LAPTM4B: variants seen among roughly 807,000 people sequenced by gnomAD.
LAPTM4B encodes the protein lysosomal protein transmembrane 4 beta, also known as lysosomal-associated transmembrane protein 4B.
A neutral mutation model predicts 28.5 loss-of-function variants in LAPTM4B; 26 were observed. The ratio of observed to expected loss-of-function variants is 0.91; its 90% CI spans 0.67 to 1.27. LAPTM4B has a LOEUF of 1.27. LAPTM4B is among the 50% of genes most tolerant of loss of function. LAPTM4B has a pLI of 0.00. For synonymous variants in LAPTM4B, 109 were observed against 106.4 expected (o/e 1.02, Z -0.15); for missense variants, 288 against 285.8 (o/e 1.01, Z -0.06).
chr8:97,829,050 G>GAGTAAA lies in LAPTM4B; in HGVS notation c.603+3898_603+3899insGTAAAA, dbSNP rs1817137765. On this transcript the variant is annotated intron_variant, in intron 6 of 6. Coordinates refer to ENST00000521545, the MANE Select transcript of LAPTM4B (RefSeq NM_018407.6). ...GGAAAAAGAGTCCTTGAGGCAGGCA[G>GAGTAAA]AACTGGAAATGCAGAGTAAAAAGGT... 4.6e-5 allele frequency among the ~76,000 whole-genome samples: 7 copies of GAGTAAA among 152,298 alleles called. No individual in the cohort carries two copies. The South Asian group carries it at 1.5e-3, about 32-fold the overall frequency.
At chr8:97,844,716 C>T (rs1340067178) in intron 6 of LAPTM4B, among the ~76,000 whole-genome samples, 3 of 152,142 alleles carry the variant, frequency 2.0e-5, no homozygotes, top group Admixed American at 6.6e-5. Flanking sequence ...TTGAAAGTCG[C>T]CTCTTTGACA....
At chr8:97,809,758 G>T (rs911064169) in intron 2 of LAPTM4B, among the ~76,000 whole-genome samples, 39 of 152,194 alleles carry the variant, frequency 2.6e-4, no homozygotes, top group African/African-American at 9.2e-4. Context: ...TTTTACATTG[G>T]TGACAGCTAT....
At position 97,852,949 on chromosome 8, in the gene LAPTM4B, A is replaced by G. The variant is rs923687987; in HGVS notation, c.*1475A>G. On this transcript the variant is annotated 3_prime_UTR_variant, in exon 7 of 7. Transcript: ENST00000521545. ...AATTACCATTGGTGTGGGGGAAAAA[A>G]GCCAAACAGAAGTAGAAAAAGGTGT... 2.0e-5 allele frequency: 10 copies of G among 499,836 alleles called. No homozygotes were observed. Among genetic ancestry groups the G allele is most frequent in the Admixed American group, 3.9e-5 (1 of 25,618 alleles). 31.0% of individuals were successfully genotyped at this position (499,836 alleles called of 1,614,324 possible).
intron 6 of LAPTM4B, among the ~76,000 whole-genome samples, chr8:97,849,628 G>T (rs530606725): frequency 5.8e-4 from 88 of 152,364 alleles, no homozygotes; most frequent in African/African-American, 2.0e-3. Context: ...CGACTCTGGC[G>T]CATTGCCTTT....
chr8:97,837,195 CTT>C (rs55645609), intron 6 of LAPTM4B, among the ~76,000 whole-genome samples: 12 of 136,924 alleles, frequency 8.8e-5, no homozygotes, highest in African/African-American at 1.1e-4. Flanking sequence ...CCTCCTGCCA[CTT>C]TTTTTTTTTT....
At chr8:97,784,436 TTTTTG>T (rs1218366026) in intron 1 of LAPTM4B, among the ~76,000 whole-genome samples, 2 of 152,032 alleles carry the variant, frequency 1.3e-5, no homozygotes, top group East Asian at 1.9e-4. Flanking sequence ...TTGGTTGTTG[TTTTTG>T]TTTTGTTTTG....
At chr8:97,784,188 T>C (rs182735248) in intron 1 of LAPTM4B, among the ~76,000 whole-genome samples, 2 of 152,342 alleles carry the variant, frequency 1.3e-5, no homozygotes, top group East Asian at 1.9e-4. Flanking sequence ...TGATATGTTC[T>C]TTTAAGATTA....
intron 3 of LAPTM4B, among the ~76,000 whole-genome samples, chr8:97,815,769 T>C (rs1018062923): frequency 2.6e-5 from 4 of 152,046 alleles, no homozygotes; most frequent in Admixed American, 6.6e-5. Flanking sequence ...GATTTCACCA[T>C]GTTGGGCAGG....
chr8:97,850,754 A>G (rs1817511753), intron 6 of LAPTM4B, among the ~76,000 whole-genome samples: 1 of 145,932 alleles, frequency 6.9e-6, no homozygotes, highest in African/African-American at 2.6e-5. Flanking sequence ...TGTCTCAATT[A>G]TCTTATACTC....
chr8:97,780,151 A>C (rs1816286578), intron 1 of LAPTM4B, among the ~76,000 whole-genome samples: 1 of 151,742 alleles, frequency 6.6e-6, no homozygotes, highest in African/African-American at 2.4e-5. Context: ...CAGGCCGGGT[A>C]CGGTGGCTCA....
chr8:97,803,533 CA>C (rs1353596563), intron 1 of LAPTM4B, among the ~76,000 whole-genome samples: 2 of 152,152 alleles, frequency 1.3e-5, no homozygotes, highest in African/African-American at 4.8e-5. Context: ...CTTGGCTTCC[CA>C]AAGTGGTGGG....
At chr8:97,786,569 C>T (rs773498728) in intron 1 of LAPTM4B, among the ~76,000 whole-genome samples, 2 of 151,770 alleles carry the variant, frequency 1.3e-5, no homozygotes, top group African/African-American at 2.4e-5. Flanking sequence ...CATGGTGGCA[C>T]GTGCCTGTAG....
chr8:97,848,870 C>T (rs1381397976), intron 6 of LAPTM4B, among the ~76,000 whole-genome samples: 1 of 152,146 alleles, frequency 6.6e-6, no homozygotes, highest in Non-Finnish European at 1.5e-5. Context: ...GGGCTCAGTC[C>T]TAAAGTCAAA....
At position 97,802,593 on chromosome 8, in the gene LAPTM4B, C is replaced by T. The variant is rs118108074; in HGVS notation, c.100-2760C>T. 9.9e-4 allele frequency among the ~76,000 whole-genome samples: 151 copies of T among 152,226 alleles called. 1 individual carries two copies. The East Asian group carries it at 0.026, about 26-fold the overall frequency. On this transcript the variant is annotated intron_variant, in intron 1 of 6. Coordinates refer to ENST00000521545, the MANE Select transcript of LAPTM4B (RefSeq NM_018407.6). ...GGTCTTTGCGACCTGTACCTTGCAC[C>T]GACCTCCTATCTCATCCTGTGACTT...
chr8:97,827,196 A>C (rs1817103260), intron 6 of LAPTM4B, among the ~76,000 whole-genome samples: 1 of 152,182 alleles, frequency 6.6e-6, no homozygotes, highest in African/African-American at 2.4e-5. Context: ...TTATTACCCT[A>C]GGTGTGTCAG....
chr8:97,782,872 C>T lies in LAPTM4B; in HGVS notation c.99+6764C>T, dbSNP rs569069041. On this transcript the variant is annotated intron_variant, in intron 1 of 6. Coordinates refer to ENST00000521545, the MANE Select transcript of LAPTM4B (RefSeq NM_018407.6). The stretch of plus-strand genomic sequence containing the variant: ...TCAGCCTCCAAAGTAGCTGGGATTG[C>T]AGGCATGCACCACCATACCTGGCTA... Among the ~76,000 whole-genome samples, 4 of 151,954 alleles carry T rather than the reference C, an allele frequency of 2.6e-5. No individual in the cohort carries two copies. The South Asian group carries it at 8.3e-4, about 32-fold the overall frequency.
At chr8:97,847,091 T>C (rs1214931545) in intron 6 of LAPTM4B, among the ~76,000 whole-genome samples, 1 of 152,204 alleles carries the variant, frequency 6.6e-6, no homozygotes, top group African/African-American at 2.4e-5. Flanking sequence ...TCACCTAGCA[T>C]GACAACTTCA....
At chr8:97,795,304 AGTC>A in intron 1 of LAPTM4B, among the ~76,000 whole-genome samples, 1 of 152,000 alleles carries the variant, frequency 6.6e-6, no homozygotes, top group South Asian at 2.1e-4. Context: ...TGCCCAGGCT[AGTC>A]TTGAACTCCT....
At chr8:97,809,023 A>C (rs1042594064) in intron 2 of LAPTM4B, among the ~76,000 whole-genome samples, 1 of 152,166 alleles carries the variant, frequency 6.6e-6, no homozygotes, top group Non-Finnish European at 1.5e-5. Context: ...AAATATATAA[A>C]ATAGGAGAGA....
Sources: allele counts gnomAD v4.1 joint callset (sites outside exome capture counted in the v4.1 genomes callset), GRCh38; gene constraint gnomAD v4.1.1; transcripts MANE v1.5; gene names NCBI Gene and HGNC (gene_info 2026-07-23, HGNC 2026-07-21).